The following IL7 variants were observed in gnomAD, a reference collection of about 807,000 sequenced individuals.
IL7 encodes interleukin-7.
In IL7, 3 loss-of-function variants were observed where a neutral mutation model predicts 21.6. That is an observed-to-expected ratio of 0.14 (90% CI 0.06 to 0.36). The LOEUF is 0.36. Ranked by LOEUF, IL7 falls within the 10% of genes least tolerant of loss-of-function variation. The probability of loss-of-function intolerance (pLI) is 1.00; values close to 1 mark genes in which losing one functional copy is unlikely to be tolerated. For missense variants in IL7, 175 were observed against 200.2 expected (o/e 0.87, Z 0.76); for synonymous variants, 62 against 68.1 (o/e 0.91, Z 0.44).
intron 2 of IL7, chr8:78,761,321 G>T (rs1812548286): frequency 6.2e-7 from 1 of 1,611,652 alleles, no homozygotes; most frequent in Non-Finnish European, 8.5e-7. Flanking sequence ...TACTGATTTT[G>T]CCAACCACAT....
rs1411432718 is a variant in IL7, at chr8:78,733,657, A to C, written c.*56T>G. On this transcript the variant is annotated 3_prime_UTR_variant, in exon 6 of 6. Coordinates refer to ENST00000263851, the MANE Select transcript of IL7 (RefSeq NM_000880.4). ...ACTCTGAAAAACTGCATAAGCAGAT[A>C]GATTCTTGGAGGATGCAGCTAAAGT... is the stretch of plus-strand genomic sequence containing the variant. 2 of 1,564,326 alleles carry C rather than the reference A, an allele frequency of 1.3e-6. No homozygotes were observed. Among genetic ancestry groups the C allele is most frequent in the Admixed American group, 1.9e-5 (1 of 52,422 alleles).
At chr8:78,724,233 C>A (rs1281414265) in intron 3 of IL7, 1 of 151,884 alleles carries the variant, frequency 6.6e-6, no homozygotes, top group Non-Finnish European at 1.5e-5. Context: ...TTTTAAGAGT[C>A]CAGGTAATAC....
At chr8:78,791,883 C>T (rs1172534747) in intron 2 of IL7, among the ~76,000 whole-genome samples, 1 of 151,860 alleles carries the variant, frequency 6.6e-6, no homozygotes, top group African/African-American at 2.4e-5. Context: ...TATGACATCA[C>T]CAGAGAGATT....
chr8:78,678,585 A>T, intron 4 of IL7: 1 of 1,611,454 alleles, frequency 6.2e-7, no homozygotes, highest in Non-Finnish European at 8.5e-7. Flanking sequence ...CCCATTTGCC[A>T]GAAGACTGCA....
intron 2 of IL7, among the ~76,000 whole-genome samples, chr8:78,749,432 G>C (rs1812094479): frequency 6.6e-6 from 1 of 152,032 alleles, no homozygotes; most frequent in Non-Finnish European, 1.5e-5. Flanking sequence ...TCTTAGATCA[G>C]AGAAGTGAGG....
chr8:78,697,933 C>T (rs767950813), intron 3 of IL7, among the ~76,000 whole-genome samples: 5 of 152,144 alleles, frequency 3.3e-5, no homozygotes, highest in South Asian at 2.1e-4. Flanking sequence ...CAACCTGAGC[C>T]TCCTAAAGTG....
intron 3 of IL7, among the ~76,000 whole-genome samples, chr8:78,688,637 GA>G (rs1810104125): frequency 6.6e-6 from 1 of 152,042 alleles, no homozygotes; most frequent in Non-Finnish European, 1.5e-5. Context: ...TGCATTTTGG[GA>G]AGATATTTTA....
At chr8:78,736,265 T>C (rs183041467) in intron 5 of IL7, among the ~76,000 whole-genome samples, 3 of 151,894 alleles carry the variant, frequency 2.0e-5, no homozygotes, top group Admixed American at 2.0e-4. Flanking sequence ...GTATTTGCCC[T>C]AACAGCTTCT....
intron 3 of IL7, among the ~76,000 whole-genome samples, chr8:78,711,603 T>C (rs13267679): frequency 0.21 from 31,358 of 151,956 alleles, 3,620 homozygotes; most frequent in Middle Eastern, 0.35. Flanking sequence ...ATATGAAGAG[T>C]AGAGAAAGTT....
chr8:78,697,371 G>T, intron 3 of IL7: 1 of 1,494,620 alleles, frequency 6.7e-7, no homozygotes, highest in Non-Finnish European at 9.1e-7. Flanking sequence ...TAATCAAAAA[G>T]TGATGTTGAT....
At chr8:78,713,540 A>C (rs1454839645), downstream of IL7, among the ~76,000 whole-genome samples, 3 of 152,146 alleles carry the variant, frequency 2.0e-5, no homozygotes, top group Non-Finnish European at 2.9e-5. Flanking sequence ...TTTCTAGAAA[A>C]AGACTCTAGT....
chr8:78,708,021 A>G (rs1810832044), intron 3 of IL7, among the ~76,000 whole-genome samples: 1 of 152,176 alleles, frequency 6.6e-6, no homozygotes, highest in African/African-American at 2.4e-5. Context: ...AAGATAATAA[A>G]TTAATTCCCT....
At chr8:78,747,672 A>T (rs1031955253) in intron 2 of IL7, among the ~76,000 whole-genome samples, 4 of 152,196 alleles carry the variant, frequency 2.6e-5, no homozygotes, top group Non-Finnish European at 5.9e-5. Context: ...AGTTTAAATT[A>T]AAGTCATTTA....
At chr8:78,791,356 TA>T (rs1326283043) in intron 2 of IL7, among the ~76,000 whole-genome samples, 2 of 152,118 alleles carry the variant, frequency 1.3e-5, no homozygotes, top group Non-Finnish European at 2.9e-5. Context: ...GAGTTATACT[TA>T]GGCCAAGCAC....
At chr8:78,793,117 T>A (rs1428673628) in intron 2 of IL7, among the ~76,000 whole-genome samples, 1 of 152,036 alleles carries the variant, frequency 6.6e-6, no homozygotes, top group African/African-American at 2.4e-5. Context: ...GCAAACAAGA[T>A]CAATACAAAA....
chr8:78,798,051 T>A, intron 2 of IL7, 21 bp downstream of exon 2: 3 of 1,574,542 alleles, frequency 1.9e-6, no homozygotes, highest in Non-Finnish European at 2.6e-6. Flanking sequence ...AAAATGTGAG[T>A]AAAACAAAAT....
At chr8:78,756,637 A>C (rs889049577) in intron 2 of IL7, among the ~76,000 whole-genome samples, 2 of 151,652 alleles carry the variant, frequency 1.3e-5, no homozygotes, top group Non-Finnish European at 3.0e-5. Context: ...ATAGTCCTTT[A>C]TATTTCTGTG....
At chr8:78,758,803 A>G (rs909245444) in intron 2 of IL7, among the ~76,000 whole-genome samples, 9 of 152,038 alleles carry the variant, frequency 5.9e-5, no homozygotes, top group Admixed American at 3.3e-4. Flanking sequence ...AACCTTTCAC[A>G]GTGTAACTTT....
intron 3 of IL7, among the ~76,000 whole-genome samples, chr8:78,689,756 G>A (rs1810148432): frequency 6.6e-6 from 1 of 152,000 alleles, no homozygotes; most frequent in Admixed American, 6.6e-5. Flanking sequence ...CCCATCCTGT[G>A]ACTTGGCTTT....
Sources: gnomAD v4.1 joint callset for allele counts (sites outside exome capture counted in the v4.1 genomes callset) on GRCh38, gnomAD v4.1.1 for gene constraint, MANE v1.5 for transcripts, NCBI Gene and HGNC (gene_info 2026-07-23, HGNC 2026-07-21) for gene names.